The following FZD6 variants were observed in gnomAD, a reference collection of about 807,000 sequenced individuals.
The protein encoded by FZD6 is frizzled-6.
Under a neutral mutation model 61.4 loss-of-function variants are expected in FZD6, and 49 were observed. The ratio of observed to expected loss-of-function variants is 0.80; its 90% CI spans 0.63 to 1.01. The LOEUF (loss-of-function observed/expected upper bound fraction) is 1.01. Among genes scored for constraint, FZD6 ranks in the 50% least tolerant of loss-of-function variants. FZD6 has a pLI of 0.00. For missense variants in FZD6, 724 were observed against 848.2 expected (o/e 0.85, Z 1.82); for synonymous variants, 265 against 292.2 (o/e 0.91, Z 0.95).
chr8:103,325,554 C>T lies in FZD6; in HGVS notation c.1392+56C>T. The T allele has an allele frequency of 3.0e-6, 4 of 1,339,332 alleles. No individual in the cohort carries two copies. The South Asian group carries it at 4.7e-5, about 16-fold the overall frequency. 83.0% of individuals were successfully genotyped at this position (1,339,332 alleles called of 1,614,324 possible). On this transcript the variant is annotated intron_variant, in intron 4 of 6. Coordinates refer to ENST00000358755, the MANE Select transcript of FZD6 (RefSeq NM_003506.4). Reference sequence around the variant, plus strand: ...TTTACATTTAATGTAGAAAATGTTTCATGGAAATATACTTGTCATGGATGT... The same window carrying T: ...TTTACATTTAATGTAGAAAATGTTTTATGGAAATATACTTGTCATGGATGT...
At chr8:103,302,547 CTCTAA>C (rs748397109) in intron 2 of FZD6, among the ~76,000 whole-genome samples, 3 of 152,154 alleles carry the variant, frequency 2.0e-5, no homozygotes, top group Non-Finnish European at 2.9e-5. Context: ...CCTTTGAGCA[CTCTAA>C]TCTGATAGTC....
At chr8:103,310,102 TGTGTCCCCAC>T (rs1814451381) in intron 2 of FZD6, among the ~76,000 whole-genome samples, 1 of 152,216 alleles carries the variant, frequency 6.6e-6, no homozygotes, top group African/African-American at 2.4e-5. Context: ...AGCCTTGTCA[TGTGTCCCCAC>T]TACAGAACTC....
At chr8:103,300,599 C>T (rs946838245) in intron 2 of FZD6, among the ~76,000 whole-genome samples, 8 of 151,962 alleles carry the variant, frequency 5.3e-5, no homozygotes, top group South Asian at 2.1e-4. Context: ...TCTAGAAATG[C>T]GAATTCTGAA....
rs1375204125 is a variant in FZD6 at position 103,325,560 on chromosome 8, AATAT to A, written c.1392+64_1392+67del. The A allele has an allele frequency of 2.1e-5, 28 of 1,311,692 alleles. No individual in the cohort carries two copies. The African/African-American group carries it at 3.8e-4, about 18-fold the overall frequency. 81.3% of individuals were successfully genotyped at this position (1,311,692 alleles called of 1,614,324 possible). On this transcript the variant is annotated intron_variant, in intron 4 of 6. Transcript: ENST00000358755. ...TTTAATGTAGAAAATGTTTCATGGA[AATAT>A]ACTTGTCATGGATGTAAAAGTTGAT...
In FZD6 at chr8:103,318,583, T is replaced by G; in HGVS notation, c.178-7T>G. ...GTTTTCTAACTGTATCTTGATGTCTTTAATAGCATTTTCTTCCTCTCGCAA... is the reference window on the plus strand; with the variant it reads ...GTTTTCTAACTGTATCTTGATGTCTGTAATAGCATTTTCTTCCTCTCGCAA... On this transcript the variant is annotated splice_region_variant and splice_polypyrimidine_tract_variant and intron_variant, in intron 2 of 6. Transcript: ENST00000358755. The G allele has an allele frequency of 6.5e-7, 1 of 1,536,726 alleles. No homozygotes were observed. Among genetic ancestry groups the G allele is most frequent in the Non-Finnish European group, 9.0e-7 (1 of 1,109,566 alleles).
At chr8:103,316,091 A>C (rs1814617793) in intron 2 of FZD6, among the ~76,000 whole-genome samples, 1 of 152,218 alleles carries the variant, frequency 6.6e-6, no homozygotes, top group Non-Finnish European at 1.5e-5. Flanking sequence ...ATAGTCAGTG[A>C]TAATATTACT....
At chr8:103,305,435 C>CT (rs1219491166) in intron 2 of FZD6, among the ~76,000 whole-genome samples, 1 of 152,168 alleles carries the variant, frequency 6.6e-6, no homozygotes, top group Non-Finnish European at 1.5e-5. Flanking sequence ...AGGAAAATAT[C>CT]TATTTCTGTT....
rs1815146807 is a variant in FZD6, at chr8:103,331,875, A to G, written c.*366A>G. The G allele has an allele frequency of 4.8e-6, 1 of 206,360 alleles. No individual in the cohort carries two copies. Among genetic ancestry groups the G allele is most frequent in the African/African-American group, 2.4e-5 (1 of 42,354 alleles). The allele number at this position is 206,360 out of a possible 1,614,324, so 12.8% of individuals were successfully genotyped here. On this transcript the variant is annotated 3_prime_UTR_variant, in exon 7 of 7. Coordinates refer to ENST00000358755, the MANE Select transcript of FZD6 (RefSeq NM_003506.4). Reference sequence around the variant, plus strand: ...AATCAAGATATTTCTTTGCTGAAGTATTTAAATCTTATCCTTGTATCTTTT... The same window carrying G: ...AATCAAGATATTTCTTTGCTGAAGTGTTTAAATCTTATCCTTGTATCTTTT...
intron 2 of FZD6, among the ~76,000 whole-genome samples, chr8:103,317,832 AAAAAAAAAAGAAAGAAAG>A (rs1313826281): frequency 8.1e-6 from 1 of 123,028 alleles, no homozygotes; most frequent in African/African-American, 3.1e-5. Context: ...TCTCAAAAAA[AAAAAAAAAAGAAAGAAAG>A]AAAGAAAGAA....
At position 103,329,902 on chromosome 8, in the gene FZD6, A is replaced by G; in HGVS notation, c.1789A>G (p.Met597Val). The G allele has an allele frequency of 6.2e-7, 1 of 1,614,128 alleles. No homozygotes were observed. The highest frequency in any genetic ancestry group is 8.5e-7 in the Non-Finnish European group (1 of 1,179,994). ...TEIQTSPETSMREVKADGAST... is the reference protein window; with the variant it reads ...TEIQTSPETSVREVKADGAST... ...AATCCAAACCTCACCAGAAACATCA[A>G]TGAGAGAGGTGAAAGCGGACGGAGC... is the stretch of plus-strand genomic sequence containing the variant. Residue 597 changes from methionine (M) to valine (V), a missense_variant, in exon 6 of 7, where the codon ATG (methionine) becomes GTG (valine). Physicochemically the swap from Met to Val is conservative, Grantham distance 21. Coordinates refer to ENST00000358755, the MANE Select transcript of FZD6 (RefSeq NM_003506.4).
At chr8:103,318,990 A>G (rs1303532556) in intron 3 of FZD6, among the ~76,000 whole-genome samples, 1 of 152,244 alleles carries the variant, frequency 6.6e-6, no homozygotes, top group Non-Finnish European at 1.5e-5. Flanking sequence ...GGGAACTTAC[A>G]GTGAGGTGAG....
In FZD6 at chr8:103,315,682, C is replaced by T. The variant is rs541993952; in HGVS notation, c.178-2908C>T. On this transcript the variant is annotated intron_variant, in intron 2 of 6. Coordinates refer to ENST00000358755, the MANE Select transcript of FZD6 (RefSeq NM_003506.4). ...AGGAAACTTCTGGTGGTGAGGGATACATTTATTACCTTGATTGTGATAATC... is the reference window on the plus strand; with the variant it reads ...AGGAAACTTCTGGTGGTGAGGGATATATTTATTACCTTGATTGTGATAATC... Among the ~76,000 whole-genome samples, 5 of 152,272 alleles carry T rather than the reference C, an allele frequency of 3.3e-5. No homozygotes were observed. The South Asian group carries it at 1.0e-3, about 32-fold the overall frequency.
intron 2 of FZD6, among the ~76,000 whole-genome samples, chr8:103,315,588 T>C (rs538140254): frequency 6.6e-6 from 1 of 152,242 alleles, no homozygotes; most frequent in African/African-American, 2.4e-5. Flanking sequence ...AGATCAGTTG[T>C]TGTCAGGCGT....
At chr8:103,311,965 TTAAA>T (rs1419387135) in intron 2 of FZD6, among the ~76,000 whole-genome samples, 2 of 152,216 alleles carry the variant, frequency 1.3e-5, no homozygotes, top group Admixed American at 6.5e-5. Context: ...AGTATTAGAA[TTAAA>T]TAAGAATTAG....
At chr8:103,309,972 C>G (rs1408240520) in intron 2 of FZD6, among the ~76,000 whole-genome samples, 1 of 152,056 alleles carries the variant, frequency 6.6e-6, no homozygotes, top group East Asian at 1.9e-4. Flanking sequence ...TGGGGTGAAA[C>G]TCTAGTTACA....
Position 103,319,721 on chromosome 8 carries a change from G to A in FZD6, c.374+935G>A, listed in dbSNP as rs577327122. 3.5e-4 allele frequency among the ~76,000 whole-genome samples: 53 copies of A among 152,186 alleles called. 1 individual carries two copies. The highest frequency in any genetic ancestry group is 5.7e-4 in the Non-Finnish European group (39 of 68,022). ...AACAAATAGGGAAAATAGTAAATGTGTGTCCTGAAGGAAAAAAGCATTCAA... is the reference window on the plus strand; with the variant it reads ...AACAAATAGGGAAAATAGTAAATGTATGTCCTGAAGGAAAAAAGCATTCAA... On this transcript the variant is annotated intron_variant, in intron 3 of 6. Coordinates refer to ENST00000358755, the MANE Select transcript of FZD6 (RefSeq NM_003506.4).
intron 2 of FZD6, among the ~76,000 whole-genome samples, chr8:103,311,563 A>C (rs1814496482): frequency 6.6e-6 from 1 of 151,228 alleles, no homozygotes; most frequent in Non-Finnish European, 1.5e-5. Context: ...CACAGACTCT[A>C]TCTCTACTTG....
intron 2 of FZD6, chr8:103,307,731 T>C (rs74857255): frequency 4.4e-6 from 2 of 451,466 alleles, no homozygotes; most frequent in African/African-American, 2.0e-5. Flanking sequence ...TTTTTTTTTT[T>C]CATGTCCTTT....
intron 3 of FZD6, among the ~76,000 whole-genome samples, chr8:103,323,341 G>GAT (rs10653301): frequency 0.52 from 78,187 of 151,580 alleles, 21,058 homozygotes; most frequent in African/African-American, 0.66. Flanking sequence ...AAAGCTGGTA[G>GAT]TTTTTTTTGT....
Sources: gnomAD v4.1 joint callset for allele counts (sites outside exome capture counted in the v4.1 genomes callset) on GRCh38, gnomAD v4.1.1 for gene constraint, MANE v1.5 for transcripts, NCBI Gene and HGNC (gene_info 2026-07-23, HGNC 2026-07-21) for gene names.